The following UBE2V1 variants were observed in gnomAD, a reference collection of about 807,000 sequenced individuals.
The protein encoded by UBE2V1 is ubiquitin conjugating enzyme E2 V1.
Under a neutral mutation model 19.6 loss-of-function variants are expected in UBE2V1, and 15 were observed. The observed-to-expected ratio is 0.77, with a 90% CI of 0.51 to 1.18. The LOEUF is 1.18. UBE2V1 is among the 50% of genes most tolerant of loss of function. The pLI is 0.00. For missense variants in UBE2V1, 125 were observed against 184.8 expected, an observed-to-expected ratio of 0.68 and a Z score of 1.88; for synonymous variants, 60 against 60.7, an observed-to-expected ratio of 0.99 and a Z score of 0.05.
intron 1 of UBE2V1, among the ~76,000 whole-genome samples, chr20:50,102,212 T>C (rs951091713): frequency 6.6e-6 from 1 of 152,122 alleles, no homozygotes; most frequent in Admixed American, 6.5e-5. Context: ...GGTAATTAAT[T>C]CAACAGCTCA....
At chr20:50,099,969 C>T (rs934473364) in intron 1 of UBE2V1, among the ~76,000 whole-genome samples, 4 of 151,904 alleles carry the variant, frequency 2.6e-5, no homozygotes, top group Admixed American at 2.6e-4. Flanking sequence ...ATGGTGGTGC[C>T]CACCTGTAGT....
intron 1 of UBE2V1, 46 bp downstream of exon 1, chr20:50,113,061 C>T: frequency 1.1e-6 from 1 of 910,092 alleles, no homozygotes; most frequent in South Asian, 2.7e-5. Flanking sequence ...GCCCCCGGCC[C>T]AAGCCCATGC....
chr20:50,107,918 A>G (rs1207874356), intron 1 of UBE2V1, among the ~76,000 whole-genome samples: 1 of 152,232 alleles, frequency 6.6e-6, no homozygotes, highest in Non-Finnish European at 1.5e-5. Context: ...AAACTATTGA[A>G]TGGAGTGCTC....
At chr20:50,113,198 C>CGCAG, upstream of UBE2V1, 1 of 1,195,188 alleles carries the variant, frequency 8.4e-7, no homozygotes, top group Non-Finnish European at 1.1e-6. Context: ...GGCCCTGATG[C>CGCAG]GCAGGCGCGC....
At chr20:50,111,521 G>T in intron 1 of UBE2V1, 1 of 1,000,282 alleles carries the variant, frequency 1.0e-6, no homozygotes, top group South Asian at 4.7e-5. Flanking sequence ...GGAGTGCCTG[G>T]GGCAGCGTCA....
At chr20:50,093,915 G>A (rs1021237032) in intron 2 of UBE2V1, among the ~76,000 whole-genome samples, 1 of 146,574 alleles carries the variant, frequency 6.8e-6, no homozygotes, top group South Asian at 2.1e-4. Context: ...TTGAATCCGG[G>A]AGGTGGAGGT....
At chr20:50,104,830 G>A (rs950886529) in intron 1 of UBE2V1, among the ~76,000 whole-genome samples, 1 of 151,878 alleles carries the variant, frequency 6.6e-6, no homozygotes, top group East Asian at 2.0e-4. Flanking sequence ...GGGTTCAAGC[G>A]ATTCTCCCGC....
intron 2 of UBE2V1, among the ~76,000 whole-genome samples, chr20:50,090,511 A>G (rs1383046971): frequency 1.3e-5 from 2 of 151,968 alleles, no homozygotes; most frequent in African/African-American, 4.8e-5. Flanking sequence ...TAGTCATGAC[A>G]ACATAGATGA....
At chr20:50,104,226 G>C in intron 1 of UBE2V1, 2 of 851,188 alleles carry the variant, frequency 2.3e-6, no homozygotes, top group Non-Finnish European at 2.8e-6. Context: ...AGGTTACAGT[G>C]AGCCGAGATC....
At chr20:50,113,597 G>C (rs1006501418), upstream of UBE2V1, among the ~76,000 whole-genome samples, 9 of 152,160 alleles carry the variant, frequency 5.9e-5, no homozygotes, top group African/African-American at 2.2e-4. Flanking sequence ...GGCAGAGACA[G>C]GCAGAATTTT....
At chr20:50,115,205 C>T (rs887259963), upstream of UBE2V1, among the ~76,000 whole-genome samples, 2 of 152,228 alleles carry the variant, frequency 1.3e-5, no homozygotes, top group African/African-American at 4.8e-5. Context: ...TGCCCTCTCC[C>T]ACTTCAGGGG....
chr20:50,098,882 T>C, intron 1 of UBE2V1: 1 of 981,370 alleles, frequency 1.0e-6, no homozygotes, highest in Non-Finnish European at 1.2e-6. Context: ...GCAAGCATAC[T>C]TGAACTGCTT....
chr20:50,106,228 T>C (rs1447667244), intron 1 of UBE2V1, among the ~76,000 whole-genome samples: 5 of 152,320 alleles, frequency 3.3e-5, no homozygotes, highest in Middle Eastern at 6.8e-3. Context: ...CCTGGACCTG[T>C]GTCAGTATCA....
intron 1 of UBE2V1, among the ~76,000 whole-genome samples, chr20:50,103,126 C>T (rs753225012): frequency 3.9e-5 from 6 of 152,190 alleles, no homozygotes; most frequent in Non-Finnish European, 8.8e-5. Context: ...ACATAAGCTC[C>T]ATGAGAGTAA....
chr20:50,094,565 T>C (rs907793380), intron 2 of UBE2V1, among the ~76,000 whole-genome samples: 2 of 152,070 alleles, frequency 1.3e-5, no homozygotes, highest in Non-Finnish European at 2.9e-5. Flanking sequence ...AAAGTATTGA[T>C]AGATGCTACA....
At position 50,108,492 on chromosome 20, in the gene UBE2V1, C is replaced by T. The variant is rs188013171; in HGVS notation, c.22+4615G>A. ...AAGAACGATCATCCGGCCAAGAGCA[C>T]GTGTCCTGAAGCAACACCATCCCAG... On this transcript the variant is annotated intron_variant, in intron 1 of 3. Transcript: ENST00000371674. Among the ~76,000 whole-genome samples, 33 of 152,262 alleles carry T rather than the reference C, an allele frequency of 2.2e-4. No individual in the cohort carries two copies. In the East Asian group the frequency reaches 3.7e-3, roughly 17 times the overall value.
At chr20:50,098,339 C>T (rs1441835645) in intron 1 of UBE2V1, among the ~76,000 whole-genome samples, 2 of 152,160 alleles carry the variant, frequency 1.3e-5, no homozygotes, top group African/African-American at 4.8e-5. Flanking sequence ...TTAAGGATGC[C>T]AACTGTTACT....
At chr20:50,113,063 A>T in intron 1 of UBE2V1, 44 bp downstream of exon 1, 1 of 909,526 alleles carries the variant, frequency 1.1e-6, no homozygotes, top group Non-Finnish European at 1.5e-6. Flanking sequence ...CCCCGGCCCA[A>T]GCCCATGCCC....
Position 50,107,486 on chromosome 20 carries a change from G to C in UBE2V1, c.22+5621C>G, listed in dbSNP as rs550460296. Among the ~76,000 whole-genome samples, 5 of 152,302 alleles carry C rather than the reference G, an allele frequency of 3.3e-5. No individual in the cohort carries two copies. The East Asian group carries it at 9.6e-4, about 29-fold the overall frequency. On this transcript the variant is annotated intron_variant, in intron 1 of 3. Coordinates refer to ENST00000371674, the MANE Select transcript of UBE2V1 (RefSeq NM_001032288.3). ...CAAGCATCAGATTTTCTTTGACAAA[G>C]GGGGAAACAAGATGTGGGAAATGAG... is the stretch of plus-strand genomic sequence containing the variant.
Sources: gnomAD v4.1 joint callset for allele counts (sites outside exome capture counted in the v4.1 genomes callset) on GRCh38, gnomAD v4.1.1 for gene constraint, MANE v1.5 for transcripts, NCBI Gene and HGNC (gene_info 2026-07-23, HGNC 2026-07-21) for gene names.